The following PLXDC2 variants were observed in gnomAD, a reference collection of about 807,000 sequenced individuals.
The protein encoded by PLXDC2 is plexin domain containing 2.
PLXDC2 carries 40 observed loss-of-function variants against 68.9 expected under a neutral mutation model. The ratio of observed to expected loss-of-function variants is 0.58; its 90% confidence interval spans 0.45 to 0.76. The LOEUF (loss-of-function observed/expected upper bound fraction) is 0.76. PLXDC2 is among the 30% of genes least tolerant of loss of function. The pLI, the probability that PLXDC2 is intolerant of heterozygous loss-of-function variation, is 0.00. For synonymous variants in PLXDC2, 243 were observed against 234.2 expected (o/e 1.04, Z -0.34); for missense variants, 644 against 661.9 (o/e 0.97, Z 0.30).
intron 9 of PLXDC2, among the ~76,000 whole-genome samples, chr10:20,207,180 C>T (rs1371119845): frequency 6.6e-6 from 1 of 152,042 alleles, no homozygotes; most frequent in African/African-American, 2.4e-5. Context: ...TCCATTCTAG[C>T]CCTTAGTAAA....
At chr10:20,210,040 C>T (rs1333138411) in intron 9 of PLXDC2, among the ~76,000 whole-genome samples, 1 of 152,092 alleles carries the variant, frequency 6.6e-6, no homozygotes, top group African/African-American at 2.4e-5. Flanking sequence ...TCCCGCAACA[C>T]ATAAGTACAT....
chr10:19,883,884 C>CTTTTTTTTTTTTTTTTTTTTT lies in PLXDC2; in HGVS notation c.112+66700_112+66720dup. ...ATTACTGTCTCCAGATCCCTTTAAA[C>CTTTTTTTTTTTTTTTTTTTTT]TTTTTTTTTTTTTTTTTTTTTTTTT... On this transcript the variant is annotated intron_variant, in intron 1 of 13. Transcript: ENST00000377252. 4.7e-3 allele frequency among the ~76,000 whole-genome samples: 261 copies of CTTTTTTTTTTTTTTTTTTTTT among 55,106 alleles called. 76 individuals are homozygous for CTTTTTTTTTTTTTTTTTTTTT. Among genetic ancestry groups the CTTTTTTTTTTTTTTTTTTTTT allele is most frequent in the Middle Eastern group, 0.044 (4 of 90 alleles). 36.2% of individuals were successfully genotyped at this position (55,106 alleles called of 152,430 possible). A position where few individuals can be genotyped will look rare whatever the true frequency, so the allele number is the denominator to read the frequency against.
At chr10:19,852,693 T>G (rs1364127977) in intron 1 of PLXDC2, among the ~76,000 whole-genome samples, 1 of 152,140 alleles carries the variant, frequency 6.6e-6, no homozygotes, top group African/African-American at 2.4e-5. Context: ...TTCAGCCAAA[T>G]GGATGATATC....
At chr10:20,137,952 G>A (rs545302090) in intron 4 of PLXDC2, among the ~76,000 whole-genome samples, 14 of 152,306 alleles carry the variant, frequency 9.2e-5, no homozygotes, top group Admixed American at 2.0e-4. Context: ...CTGGTCCAGG[G>A]TTGGTACTTG....
intron 1 of PLXDC2, among the ~76,000 whole-genome samples, chr10:19,951,558 A>G (rs1000552280): frequency 1.3e-5 from 2 of 152,226 alleles, no homozygotes; most frequent in African/African-American, 2.4e-5. Context: ...TGGTGGGAAT[A>G]TAAGTTAGTT....
At position 19,990,876 on chromosome 10, in the gene PLXDC2, A is replaced by G. The variant is rs897029122; in HGVS notation, c.113-10899A>G. On this transcript the variant is annotated intron_variant, in intron 1 of 13. Coordinates refer to ENST00000377252, the MANE Select transcript of PLXDC2 (RefSeq NM_032812.9). ...CTGCTACTTGGATGAACAGTAGTTC[A>G]TATCCAGATTTAAATGTTTTATTCC... 2.6e-5 allele frequency among the ~76,000 whole-genome samples: 4 copies of G among 152,228 alleles called. No individual in the cohort carries two copies. In the East Asian group the frequency reaches 5.8e-4, roughly 22 times the overall value.
intron 12 of PLXDC2, among the ~76,000 whole-genome samples, chr10:20,238,726 C>T (rs1389649936): frequency 5.0e-5 from 6 of 120,844 alleles, no homozygotes; most frequent in East Asian, 2.4e-4. Context: ...TACACATATA[C>T]ATACATATAT....
chr10:19,973,325 T>TACATATATATGTGTATATATGTATACTC (rs1834391810), intron 1 of PLXDC2, among the ~76,000 whole-genome samples: 1 of 142,894 alleles, frequency 7.0e-6, no homozygotes, highest in Non-Finnish European at 1.6e-5. Context: ...TATATATGTA[T>TACATATATATGTGTATATATGTATACTC]ACATATATAT....
chr10:19,973,338 GTA>G (rs1834393427), intron 1 of PLXDC2, among the ~76,000 whole-genome samples: 1 of 147,422 alleles, frequency 6.8e-6, no homozygotes, highest in Admixed American at 6.8e-5. Context: ...ATATATATGT[GTA>G]TATATGTATA....
intron 1 of PLXDC2, among the ~76,000 whole-genome samples, chr10:19,869,381 GC>G (rs1837488243): frequency 6.7e-6 from 1 of 149,192 alleles, no homozygotes; most frequent in South Asian, 2.1e-4. Context: ...CTGAAATGCT[GC>G]CACTGCACTC....
At chr10:19,849,589 C>T (rs368929979) in intron 1 of PLXDC2, among the ~76,000 whole-genome samples, 69 of 152,092 alleles carry the variant, frequency 4.5e-4, no homozygotes, top group African/African-American at 1.1e-3. Flanking sequence ...TTTTGCTTGG[C>T]GCTTCTCCTT....
chr10:20,213,601 A>G (rs1835098393), intron 10 of PLXDC2, among the ~76,000 whole-genome samples: 1 of 152,120 alleles, frequency 6.6e-6, no homozygotes, highest in Non-Finnish European at 1.5e-5. Flanking sequence ...GAAATACATT[A>G]AATTATGAAT....
At chr10:20,240,502 A>G (rs1835500132) in intron 12 of PLXDC2, among the ~76,000 whole-genome samples, 1 of 152,136 alleles carries the variant, frequency 6.6e-6, no homozygotes, top group Non-Finnish European at 1.5e-5. Flanking sequence ...GTACCATTTG[A>G]TCAAGCATGA....
chr10:19,995,931 G>T (rs1429465226), intron 1 of PLXDC2, among the ~76,000 whole-genome samples: 1 of 152,188 alleles, frequency 6.6e-6, no homozygotes, highest in Non-Finnish European at 1.5e-5. Context: ...TATATTCATT[G>T]TAGGTAAAGA....
intron 1 of PLXDC2, among the ~76,000 whole-genome samples, chr10:19,888,855 T>A (rs748869634): frequency 1.3e-5 from 2 of 152,282 alleles, no homozygotes; most frequent in Non-Finnish European, 2.9e-5. Context: ...AGGCAAGATG[T>A]ATTATCTGAG....
chr10:19,862,847 C>A (rs1001632430), intron 1 of PLXDC2, among the ~76,000 whole-genome samples: 2 of 152,148 alleles, frequency 1.3e-5, no homozygotes, highest in African/African-American at 4.8e-5. Flanking sequence ...GAGCCCTGAT[C>A]TCTTATTCTT....
chr10:20,014,214 T>C (rs1434840711), intron 2 of PLXDC2, among the ~76,000 whole-genome samples: 2 of 142,138 alleles, frequency 1.4e-5, no homozygotes, highest in Non-Finnish European at 3.1e-5. Context: ...CCTTCCTTCC[T>C]TCCTTCCCTC....
At chr10:20,066,647 A>G (rs911930960) in intron 3 of PLXDC2, among the ~76,000 whole-genome samples, 2 of 152,216 alleles carry the variant, frequency 1.3e-5, no homozygotes, top group African/African-American at 4.8e-5. Context: ...AATAAAAGTG[A>G]TCATAAACCT....
intron 4 of PLXDC2, among the ~76,000 whole-genome samples, chr10:20,142,129 T>G (rs1408667062): frequency 6.6e-6 from 1 of 152,092 alleles, no homozygotes; most frequent in East Asian, 1.9e-4. Context: ...TTTGAAACAA[T>G]GAAGACTGCA....
Sources: allele counts gnomAD v4.1 joint callset (sites outside exome capture counted in the v4.1 genomes callset), GRCh38; gene constraint gnomAD v4.1.1; transcripts MANE v1.5; gene names NCBI Gene and HGNC (gene_info 2026-07-23, HGNC 2026-07-21).